The following CTNNA3 variants were observed in gnomAD, a reference collection of about 807,000 sequenced individuals.
CTNNA3 encodes catenin alpha-3.
CTNNA3 carries 76 observed loss-of-function variants against 95.7 expected under a neutral mutation model. That is an observed-to-expected ratio of 0.79 (90% confidence interval 0.66 to 0.96). The LOEUF is 0.96. Ranked by LOEUF, CTNNA3 falls within the 40% of genes least tolerant of loss-of-function variation. The probability of loss-of-function intolerance (pLI) is 0.00; values close to 1 mark genes in which losing one functional copy is unlikely to be tolerated. For missense variants in CTNNA3, 1,191 were observed against 1,089.8 expected (o/e 1.09, Z -1.31); for synonymous variants, 431 against 374.4 (o/e 1.15, Z -1.74).
chr10:67,278,794 T>C (rs934787092), intron 5 of CTNNA3, among the ~76,000 whole-genome samples: 1 of 152,154 alleles, frequency 6.6e-6, no homozygotes, highest in Non-Finnish European at 1.5e-5. Context: ...GGAAATATAT[T>C]TTGGGGTAAA....
chr10:67,649,259 CAT>C (rs1245300072), intron 1 of CTNNA3, among the ~76,000 whole-genome samples: 1 of 152,172 alleles, frequency 6.6e-6, no homozygotes, highest in Admixed American at 6.5e-5. Context: ...CCTTTAAAAA[CAT>C]GTCATTTTCA....
rs144163441 is a variant in CTNNA3 at position 66,689,596 on chromosome 10, G to C, written c.1282-67812C>G. Reference sequence around the variant, plus strand: ...AAATATTATGGTCAGTTTTCTAGTAGCCCAAGAGTCCTTGGAGACATTTAA... The same window carrying C: ...AAATATTATGGTCAGTTTTCTAGTACCCCAAGAGTCCTTGGAGACATTTAA... On this transcript the variant is annotated intron_variant, in intron 9 of 17. Coordinates refer to ENST00000433211, the MANE Select transcript of CTNNA3 (RefSeq NM_013266.4). Among the ~76,000 whole-genome samples, 910 of 152,230 alleles carry C rather than the reference G, an allele frequency of 6.0e-3. 8 individuals are homozygous for C. The highest frequency in any genetic ancestry group is 8.2e-3 in the Non-Finnish European group (556 of 68,024).
chr10:67,700,946 T>C (rs979241417), upstream of CTNNA3, among the ~76,000 whole-genome samples: 3 of 152,140 alleles, frequency 2.0e-5, no homozygotes, highest in Admixed American at 2.0e-4. Flanking sequence ...CTGATGGAGC[T>C]GAAAGCCAAG....
At chr10:67,342,496 A>C (rs550755219) in intron 5 of CTNNA3, among the ~76,000 whole-genome samples, 24 of 152,194 alleles carry the variant, frequency 1.6e-4, no homozygotes, top group African/African-American at 5.8e-4. Flanking sequence ...GTGGGGTGTT[A>C]CTCAAGGAAT....
chr10:66,264,910 G>A (rs1398740540), intron 13 of CTNNA3, among the ~76,000 whole-genome samples: 1 of 151,934 alleles, frequency 6.6e-6, no homozygotes, highest in African/African-American at 2.4e-5. Context: ...AATACTAAGA[G>A]CAAGCAAAAC....
chr10:67,709,915 A>G (rs941527996), intron 1 of CTNNA3, among the ~76,000 whole-genome samples: 1 of 152,166 alleles, frequency 6.6e-6, no homozygotes, highest in Non-Finnish European at 1.5e-5. Context: ...TTCTTTATCA[A>G]TGCTTTAACA....
intron 5 of CTNNA3, among the ~76,000 whole-genome samples, chr10:67,356,992 A>G (rs1842834577): frequency 6.6e-6 from 1 of 152,106 alleles, no homozygotes; most frequent in African/African-American, 2.4e-5. Context: ...TTCTGCAGTC[A>G]ATTCATTCTC....
intron 5 of CTNNA3, among the ~76,000 whole-genome samples, chr10:67,428,668 T>C (rs1206040663): frequency 6.6e-6 from 1 of 151,996 alleles, no homozygotes; most frequent in Non-Finnish European, 1.5e-5. Context: ...GTGTGGGTGT[T>C]GCCAAAAGAG....
chr10:67,360,572 A>G (rs561405393), intron 5 of CTNNA3, among the ~76,000 whole-genome samples: 1 of 152,266 alleles, frequency 6.6e-6, no homozygotes, highest in Non-Finnish European at 1.5e-5. Flanking sequence ...TGGGTAATTT[A>G]TAAATAAAAG....
Position 66,930,775 on chromosome 10 carries a change from T to C in CTNNA3, c.1048-155251A>G, listed in dbSNP as rs1221952760. ...ACCAATATTTTGAAAGCTGTCACTT[T>C]TTAATGCCTAACTTTACTAATAAAC... On this transcript the variant is annotated intron_variant, in intron 7 of 17. Coordinates refer to ENST00000433211, the MANE Select transcript of CTNNA3 (RefSeq NM_013266.4). Among the ~76,000 whole-genome samples, 3 of 152,164 alleles carry C rather than the reference T, an allele frequency of 2.0e-5. No homozygotes were observed. The East Asian group carries it at 5.8e-4, about 29-fold the overall frequency.
chr10:67,273,707 G>A (rs1839072301), intron 5 of CTNNA3, among the ~76,000 whole-genome samples: 1 of 152,124 alleles, frequency 6.6e-6, no homozygotes, highest in Non-Finnish European at 1.5e-5. Context: ...ATAAACAATT[G>A]TGGTATATTA....
intron 15 of CTNNA3, among the ~76,000 whole-genome samples, chr10:65,993,886 C>T (rs1342584909): frequency 6.6e-6 from 1 of 152,108 alleles, no homozygotes; most frequent in African/African-American, 2.4e-5. Flanking sequence ...CAGGCATGTG[C>T]CACCATGCCT....
At chr10:66,779,073 A>AACAT (rs1246622466) in intron 7 of CTNNA3, among the ~76,000 whole-genome samples, 5 of 152,192 alleles carry the variant, frequency 3.3e-5, no homozygotes, top group Admixed American at 6.5e-5. Flanking sequence ...CTAGTGGAGA[A>AACAT]ACATAAGGTC....
At chr10:67,125,711 T>C (rs2132005117) in intron 7 of CTNNA3, among the ~76,000 whole-genome samples, 2 of 152,300 alleles carry the variant, frequency 1.3e-5, no homozygotes, top group East Asian at 3.9e-4. Flanking sequence ...AAAGCAATAA[T>C]GCCAAAGATT....
chr10:66,360,650 TCTTTCTTTCTTCCTTCCTTCCTTCCTTC>T (rs1308719478), intron 12 of CTNNA3, among the ~76,000 whole-genome samples: 3 of 69,226 alleles, frequency 4.3e-5, no homozygotes, highest in East Asian at 4.1e-4. Flanking sequence ...TTTCTTTCTT[TCTTTCTTTCTTCCTTCCTTCCTTCCTTC>T]CTTCCTTCCT....
intron 5 of CTNNA3, among the ~76,000 whole-genome samples, chr10:67,231,959 C>G (rs1202812218): frequency 4.3e-4 from 66 of 151,988 alleles, no homozygotes; most frequent in African/African-American, 1.5e-3. Context: ...GAAGTTTAGA[C>G]AAAAAAGAAT....
chr10:66,120,445 T>G (rs2082530218), intron 13 of CTNNA3, among the ~76,000 whole-genome samples: 1 of 152,136 alleles, frequency 6.6e-6, no homozygotes, highest in African/African-American at 2.4e-5. Context: ...AGAAAATTTG[T>G]CCTGGTCCAG....
intron 12 of CTNNA3, among the ~76,000 whole-genome samples, chr10:66,303,538 T>C (rs956101694): frequency 6.6e-6 from 1 of 152,152 alleles, no homozygotes; most frequent in African/African-American, 2.4e-5. Context: ...AAAAAGTTTT[T>C]ATATAATTGG....
intron 3 of CTNNA3, among the ~76,000 whole-genome samples, chr10:67,567,680 T>G (rs757058777): frequency 6.6e-6 from 1 of 152,016 alleles, no homozygotes; most frequent in Non-Finnish European, 1.5e-5. Context: ...CTACCAGAGG[T>G]AGCAATTCCA....
Sources: gnomAD v4.1 joint callset for allele counts (sites outside exome capture counted in the v4.1 genomes callset) on GRCh38, gnomAD v4.1.1 for gene constraint, MANE v1.5 for transcripts, NCBI Gene and HGNC (gene_info 2026-07-23, HGNC 2026-07-21) for gene names.